IDE: variants seen among roughly 807,000 people sequenced by gnomAD.
IDE encodes the protein insulin-degrading enzyme.
IDE carries 58 observed loss-of-function variants against 133.2 expected under a neutral mutation model. That is an observed-to-expected ratio of 0.44 (90% CI 0.35 to 0.54). The LOEUF is 0.54. Ranked by LOEUF, IDE falls within the 20% of genes least tolerant of loss-of-function variation. The pLI, the probability that IDE is intolerant of heterozygous loss-of-function variation, is 0.00. For missense variants in IDE, 981 were observed against 1,234.0 expected, an observed-to-expected ratio of 0.79 and a Z score of 3.07; for synonymous variants, 396 against 421.3, an observed-to-expected ratio of 0.94 and a Z score of 0.73.
intron 1 of IDE, among the ~76,000 whole-genome samples, chr10:92,548,073 G>A (rs1440910279): frequency 6.6e-6 from 1 of 152,086 alleles, no homozygotes; most frequent in African/African-American, 2.4e-5. Flanking sequence ...TCAAGAGTCA[G>A]ATGAGGCCAG....
intron 17 of IDE, 174 bp downstream of exon 17, chr10:92,474,667 G>C (rs929957054): frequency 2.8e-5 from 15 of 545,026 alleles, no homozygotes; most frequent in African/African-American, 2.7e-4. Flanking sequence ...AAAAGTATAT[G>C]TTACTGTTAA....
At chr10:92,537,624 C>A (rs1040331724) in intron 1 of IDE, 74 bp from the exon 2 acceptor site, 1 of 1,038,170 alleles carries the variant, frequency 9.6e-7, no homozygotes, top group East Asian at 2.4e-5. Context: ...TCAAGTAAAC[C>A]CATATAATAC....
chr10:92,461,167 T>C (rs1161231652), intron 22 of IDE, 24 bp downstream of exon 22: 2 of 1,161,184 alleles, frequency 1.7e-6, no homozygotes, highest in Non-Finnish European at 2.6e-6. Context: ...TCAGTCAAAA[T>C]CTAAATATAT....
intron 1 of IDE, chr10:92,573,325 G>T: frequency 3.7e-6 from 1 of 268,816 alleles, no homozygotes; most frequent in Non-Finnish European, 5.7e-6. Flanking sequence ...CTGCTGTAGA[G>T]GATCCCGAGG....
At chr10:92,509,320 C>G (rs535920154) in intron 6 of IDE, among the ~76,000 whole-genome samples, 1 of 152,164 alleles carries the variant, frequency 6.6e-6, no homozygotes, top group East Asian at 1.9e-4. Flanking sequence ...GGGCCGGGTG[C>G]GGTGGCTCAC....
intron 12 of IDE, among the ~76,000 whole-genome samples, chr10:92,487,590 T>C (rs1279724743): frequency 3.9e-5 from 6 of 152,222 alleles, no homozygotes; most frequent in African/African-American, 1.2e-4. Context: ...ATTGAGACTA[T>C]GGAACACAGA....
rs540894977 is a variant in IDE, at chr10:92,479,682, T to C, written c.1740-261A>G. On this transcript the variant is annotated intron_variant, in intron 14 of 24. Transcript: ENST00000265986. ...GTAGTAGTGAAGAAGGAGAAGGAAC[T>C]GCCTACCCCAGATGGTGTGGCAGAA... 4.2e-5 allele frequency: 14 copies of C among 333,502 alleles called. 1 individual carries two copies. In the South Asian group the frequency reaches 7.6e-4, roughly 18 times the overall value. 20.7% of individuals were successfully genotyped at this position (333,502 alleles called of 1,614,324 possible). A position where few individuals can be genotyped will look rare whatever the true frequency, so the allele number is the denominator to read the frequency against.
At chr10:92,500,903 T>C (rs1847969573) in intron 11 of IDE, among the ~76,000 whole-genome samples, 1 of 152,030 alleles carries the variant, frequency 6.6e-6, no homozygotes, top group African/African-American at 2.4e-5. Flanking sequence ...TAGCTGGGCG[T>C]GGTGGCATAC....
At chr10:92,541,411 C>T in intron 1 of IDE, 1 of 423,238 alleles carries the variant, frequency 2.4e-6, no homozygotes, top group East Asian at 8.0e-5. Context: ...CTATCTACTT[C>T]AGATCATTAG....
chr10:92,513,430 T>A (rs1053077413), intron 5 of IDE, among the ~76,000 whole-genome samples: 2 of 152,184 alleles, frequency 1.3e-5, no homozygotes, highest in Admixed American at 6.5e-5. Context: ...TGACCACAAG[T>A]GATCCACCTG....
At chr10:92,477,597 C>T (rs554907755) in intron 15 of IDE, among the ~76,000 whole-genome samples, 20 of 152,312 alleles carry the variant, frequency 1.3e-4, no homozygotes, top group African/African-American at 4.6e-4. Context: ...ATGAAAGTCT[C>T]TACGCTGTAC....
intron 10 of IDE, among the ~76,000 whole-genome samples, chr10:92,506,085 G>A (rs982849026): frequency 3.3e-5 from 5 of 152,278 alleles, no homozygotes; most frequent in African/African-American, 2.4e-5. Flanking sequence ...TATCATGGTA[G>A]CCCAAGCAAG....
intron 1 of IDE, among the ~76,000 whole-genome samples, chr10:92,547,988 C>T (rs749001275): frequency 6.6e-6 from 1 of 152,076 alleles, no homozygotes; most frequent in South Asian, 2.1e-4. Context: ...CAGGCCCAAG[C>T]GATCCTCCCA....
Position 92,470,247 on chromosome 10 carries a change from C to A in IDE, c.2208+7G>T. On this transcript the variant is annotated splice_region_variant and intron_variant, in intron 18 of 24. Transcript: ENST00000265986. ...CACAAAAGATTGCTAAAACCTCAAC[C>A]ACCCACCTGCTTTGTTATGTTTCCA... The A allele has an allele frequency of 6.3e-7, 1 of 1,586,360 alleles. No individual in the cohort carries two copies. The highest frequency in any genetic ancestry group is 8.6e-7 in the Non-Finnish European group (1 of 1,164,504).
intron 6 of IDE, 71 bp from the exon 7 acceptor site, chr10:92,508,961 G>T: frequency 1.6e-6 from 2 of 1,275,408 alleles, no homozygotes; most frequent in Middle Eastern, 2.3e-4. Flanking sequence ...AAACTATGAA[G>T]AATGATTTTC....
chr10:92,461,357 A>G (rs1589361786), intron 21 of IDE, 105 bp from the exon 22 acceptor site: 1 of 531,132 alleles, frequency 1.9e-6, no homozygotes, highest in Non-Finnish European at 3.4e-6. Context: ...TTAAGTATCC[A>G]TATATATTTT....
rs762586700 is a variant in IDE, at chr10:92,479,278, T to C, written c.1883A>G (p.Tyr628Cys). Residue 628 changes from tyrosine (Y) to cysteine (C), a missense_variant and splice_region_variant, in exon 15 of 25, where the codon TAT becomes TGT. This residue lies in a region of IDE where 660 missense variants were observed against 894.7 expected (regional missense o/e 0.74). Coordinates refer to ENST00000265986, the MANE Select transcript of IDE (RefSeq NM_004969.4). Reference protein sequence around the residue: ...YDLQNTIYGMYLSVKGYNDKQ... With the variant: ...YDLQNTIYGMCLSVKGYNDKQ... ...AGGCTCTAAGGCGTGGGTACTTACA[T>C]ACATCCCATAGATGGTATTTTGGAG... 6.2e-7 allele frequency: 1 copy of C among 1,606,670 alleles called. No individual in the cohort carries two copies. The highest frequency in any genetic ancestry group is 8.5e-7 in the Non-Finnish European group (1 of 1,173,760).
At chr10:92,454,748 T>C (rs557123756) in intron 24 of IDE, among the ~76,000 whole-genome samples, 1 of 152,268 alleles carries the variant, frequency 6.6e-6, no homozygotes, top group East Asian at 1.9e-4. Context: ...GGTCGTGAAT[T>C]GGTCTGTACA....
intron 1 of IDE, among the ~76,000 whole-genome samples, chr10:92,569,316 C>G (rs1009450818): frequency 1.2e-4 from 18 of 152,300 alleles, no homozygotes; most frequent in African/African-American, 4.3e-4. Flanking sequence ...TGAAATAGCA[C>G]AGAACCACTG....
Sources: allele counts gnomAD v4.1 joint callset (sites outside exome capture counted in the v4.1 genomes callset), GRCh38; gene constraint gnomAD v4.1.1; regional missense constraint gnomAD v4.1.1; transcripts MANE v1.5; gene names NCBI Gene and HGNC (gene_info 2026-07-23, HGNC 2026-07-21).